ZDHHC15: variants seen among roughly 807,000 people sequenced by gnomAD.
ZDHHC15 encodes palmitoyltransferase ZDHHC15.
ZDHHC15 carries 19 observed loss-of-function variants against 31.7 expected under a neutral mutation model. That is an observed-to-expected ratio of 0.60 (90% CI 0.42 to 0.88). The LOEUF is 0.88. ZDHHC15 is among the 40% of genes least tolerant of loss of function. ZDHHC15 has a pLI of 0.00. For missense variants in ZDHHC15, 209 were observed against 251.2 expected (o/e 0.83, Z 1.14); for synonymous variants, 103 against 90.0 (o/e 1.14, Z -0.82).
intron 3 of ZDHHC15, among the ~76,000 whole-genome samples, chrX:75,462,194 T>A (rs1264790193): frequency 1.8e-5 from 2 of 112,415 alleles, no homozygotes; most frequent in Non-Finnish European, 3.8e-5. Flanking sequence ...GGATATTACA[T>A]AATGGAAAAA....
chrX:75,429,150 G>A lies in ZDHHC15; in HGVS notation c.531C>T (p.Phe177=). 1 of 1,205,613 alleles carries A rather than the reference G, an allele frequency of 8.3e-7. No homozygotes were observed. The highest frequency in any genetic ancestry group is 1.1e-6 in the Non-Finnish European group (1 of 893,124). ...GFSNYKFFLQ[F]LAYSVLYCLY... ...GGCAGTAGAGAACAGAGTAAGCTAAGAATTGAAGGAAGAATTTGTAGTTGG... is the reference window on the plus strand; with the variant it reads ...GGCAGTAGAGAACAGAGTAAGCTAAAAATTGAAGGAAGAATTTGTAGTTGG... Residue 177 remains phenylalanine (F), a synonymous_variant, in exon 7 of 12, where the codon TTC becomes TTT. Transcript: ENST00000373367.
chrX:75,508,172 TTC>T (rs2085198248), intron 1 of ZDHHC15, among the ~76,000 whole-genome samples: 1 of 110,479 alleles, frequency 9.1e-6, no homozygotes, highest in Non-Finnish European at 1.9e-5. Flanking sequence ...ATACTTTAAG[TTC>T]TAGGGTACAT....
intron 10 of ZDHHC15, among the ~76,000 whole-genome samples, chrX:75,395,608 C>T (rs2083291427): frequency 9.0e-6 from 1 of 111,544 alleles, no homozygotes; most frequent in Admixed American, 9.5e-5. Flanking sequence ...TTAAAATGTC[C>T]ATACTACCCA....
At chrX:75,429,810 C>T (rs1382173502) in intron 6 of ZDHHC15, 138 bp downstream of exon 6, 2 of 573,148 alleles carry the variant, frequency 3.5e-6, no homozygotes, top group Non-Finnish European at 5.3e-6. Context: ...GTTACCCCTC[C>T]CCTGTCCCCT....
At chrX:75,453,009 CG>C (rs1405181924) in intron 3 of ZDHHC15, among the ~76,000 whole-genome samples, 3 of 111,278 alleles carry the variant, frequency 2.7e-5, no homozygotes, top group African/African-American at 9.8e-5. Context: ...CAAAAGCTAG[CG>C]GAAGTCAAGA....
rs2084743911 is a variant in ZDHHC15, at chrX:75,484,375, C to A, written c.164-5390G>T. ...CTGTTATAGCTCAATAATAAGACAACTCAATAAAAAAAGGAAAAAGACTAA... is the reference window on the plus strand; with the variant it reads ...CTGTTATAGCTCAATAATAAGACAAATCAATAAAAAAAGGAAAAAGACTAA... On this transcript the variant is annotated intron_variant, in intron 2 of 11. Coordinates refer to ENST00000373367, the MANE Select transcript of ZDHHC15 (RefSeq NM_144969.3). Among the ~76,000 whole-genome samples, 3 of 111,434 alleles carry A rather than the reference C, an allele frequency of 2.7e-5. No individual in the cohort carries two copies. In the South Asian group the frequency reaches 1.1e-3, roughly 41 times the overall value.
intron 1 of ZDHHC15, among the ~76,000 whole-genome samples, chrX:75,514,387 T>A (rs1025442246): frequency 8.9e-6 from 1 of 112,226 alleles, no homozygotes; most frequent in Non-Finnish European, 1.9e-5. Flanking sequence ...CTGGGTTTTG[T>A]ATACTATTAA....
At chrX:75,468,272 C>T (rs949030349) in intron 3 of ZDHHC15, among the ~76,000 whole-genome samples, 2 of 110,541 alleles carry the variant, frequency 1.8e-5, no homozygotes, top group Admixed American at 9.7e-5. Flanking sequence ...CTCGAACTCC[C>T]GACCTCAGGT....
At chrX:75,454,850 G>T (rs937522659) in intron 3 of ZDHHC15, among the ~76,000 whole-genome samples, 5 of 111,477 alleles carry the variant, frequency 4.5e-5, no homozygotes, top group Non-Finnish European at 7.5e-5. Flanking sequence ...ACAAACCACT[G>T]CTCAATTAAA....
At chrX:75,462,375 AAATT>A (rs2084330818) in intron 3 of ZDHHC15, among the ~76,000 whole-genome samples, 1 of 112,196 alleles carries the variant, frequency 8.9e-6, no homozygotes, top group African/African-American at 3.2e-5. Context: ...TCAACACAGA[AAATT>A]AACAAGGATA....
At chrX:75,468,163 C>T (rs1015612326) in intron 3 of ZDHHC15, among the ~76,000 whole-genome samples, 2 of 109,373 alleles carry the variant, frequency 1.8e-5, no homozygotes, top group Non-Finnish European at 3.8e-5. Flanking sequence ...CTCCTGCCTC[C>T]GCCTCCCGAG....
chrX:75,380,975 C>T (rs1186226928), intron 10 of ZDHHC15, among the ~76,000 whole-genome samples: 1 of 111,429 alleles, frequency 9.0e-6, no homozygotes, highest in African/African-American at 3.3e-5. Flanking sequence ...TATAGGTACA[C>T]TTCTTTCTAG....
At chrX:75,427,157 A>T (rs2083724058) in intron 7 of ZDHHC15, among the ~76,000 whole-genome samples, 1 of 111,729 alleles carries the variant, frequency 9.0e-6, no homozygotes, top group Non-Finnish European at 1.9e-5. Context: ...CCTAAACTAC[A>T]CTAAAGTGTT....
chrX:75,502,530 A>T (rs1272631136), intron 2 of ZDHHC15, among the ~76,000 whole-genome samples: 1 of 112,096 alleles, frequency 8.9e-6, no homozygotes, highest in African/African-American at 3.2e-5. Flanking sequence ...TTAAAATGCA[A>T]ATTAATTATT....
intron 10 of ZDHHC15, among the ~76,000 whole-genome samples, chrX:75,410,255 C>T (rs1354649465): frequency 7.2e-5 from 8 of 110,779 alleles, no homozygotes; most frequent in African/African-American, 2.3e-4. Context: ...AAGAAAACAA[C>T]CAACAAAGTG....
chrX:75,507,571 T>C (rs1452627208), intron 1 of ZDHHC15, among the ~76,000 whole-genome samples: 2 of 111,812 alleles, frequency 1.8e-5, no homozygotes, highest in Non-Finnish European at 3.8e-5. Flanking sequence ...TTTTACAAAA[T>C]GAATCTGTTA....
intron 1 of ZDHHC15, among the ~76,000 whole-genome samples, chrX:75,514,374 C>A (rs187310598): frequency 2.7e-5 from 3 of 112,074 alleles, no homozygotes; most frequent in Admixed American, 1.9e-4. Context: ...GAGCTGTAAA[C>A]GGCTGGGTTT....
At chrX:75,377,814 G>T (rs1380456084) in intron 11 of ZDHHC15, among the ~76,000 whole-genome samples, 1 of 111,308 alleles carries the variant, frequency 9.0e-6, no homozygotes, top group African/African-American at 3.3e-5. Flanking sequence ...TAAAACCCCT[G>T]AGAATTCCTA....
chrX:75,492,077 A>C (rs2084906339), intron 2 of ZDHHC15, among the ~76,000 whole-genome samples: 1 of 111,515 alleles, frequency 9.0e-6, no homozygotes, highest in Admixed American at 9.6e-5. Context: ...TATAGGCTCA[A>C]AATAAAGGGA....
Sources: gnomAD v4.1 joint callset for allele counts (sites outside exome capture counted in the v4.1 genomes callset) on GRCh38, gnomAD v4.1.1 for gene constraint, MANE v1.5 for transcripts, NCBI Gene and HGNC (gene_info 2026-07-23, HGNC 2026-07-21) for gene names.